The following PREX2 variants were observed in gnomAD, a reference collection of about 807,000 sequenced individuals.
PREX2 encodes phosphatidylinositol 3,4,5-trisphosphate-dependent Rac exchanger 2 protein.
Under a neutral mutation model 203.2 loss-of-function variants are expected in PREX2, and 107 were observed. The observed-to-expected ratio is 0.53, with a 90% confidence interval of 0.45 to 0.62. PREX2 has a LOEUF of 0.62. Among genes scored for constraint, PREX2 ranks in the 20% least tolerant of loss-of-function variants. The pLI, the probability that PREX2 is intolerant of heterozygous loss-of-function variation, is 0.00. For synonymous variants in PREX2, 672 were observed against 663.6 expected (o/e 1.01, Z -0.19); for missense variants, 1,777 against 1,955.9 (o/e 0.91, Z 1.72).
intron 32 of PREX2, among the ~76,000 whole-genome samples, chr8:68,135,586 T>G (rs905040566): frequency 2.0e-5 from 3 of 152,180 alleles, no homozygotes; most frequent in African/African-American, 7.2e-5. Context: ...TAATAAGTTT[T>G]GGGGAGGATG....
intron 38 of PREX2, among the ~76,000 whole-genome samples, chr8:68,219,332 A>G (rs1363784606): frequency 6.6e-6 from 1 of 152,182 alleles, no homozygotes; most frequent in African/African-American, 2.4e-5. Flanking sequence ...GATATTATGC[A>G]GGCCCCGATG....
chr8:68,071,967 A>T (rs1809208645), intron 13 of PREX2, among the ~76,000 whole-genome samples: 1 of 152,084 alleles, frequency 6.6e-6, no homozygotes, highest in Non-Finnish European at 1.5e-5. Context: ...AAGAAATTCT[A>T]TTTTATTATT....
intron 1 of PREX2, among the ~76,000 whole-genome samples, chr8:67,975,659 T>C (rs1322136512): frequency 6.6e-6 from 1 of 150,574 alleles, no homozygotes; most frequent in Non-Finnish European, 1.5e-5. Context: ...GCTAGTATAC[T>C]TAATATTTAT....
rs1813235796 is a variant in PREX2 at position 68,234,899 on chromosome 8, A to G, written c.*3521A>G. 1 of 152,166 alleles carries G rather than the reference A, an allele frequency of 6.6e-6. No individual in the cohort carries two copies. Among genetic ancestry groups the G allele is most frequent in the African/African-American group, 2.4e-5 (1 of 41,454 alleles). 9.4% of individuals were successfully genotyped at this position (152,166 alleles called of 1,614,324 possible). A position where few individuals can be genotyped will look rare whatever the true frequency, so the allele number is the denominator to read the frequency against. On this transcript the variant is annotated 3_prime_UTR_variant, in exon 40 of 40. Transcript: ENST00000288368. ...TTTAAATTTTGGGATCATTACATTC[A>G]GAATGAAATGAAATTGACCTTGATA... is the stretch of plus-strand genomic sequence containing the variant.
intron 30 of PREX2, among the ~76,000 whole-genome samples, chr8:68,125,507 G>A (rs1233327457): frequency 6.6e-6 from 1 of 152,100 alleles, no homozygotes; most frequent in Admixed American, 6.6e-5. Context: ...CCCATTCATA[G>A]CAGATTAAAC....
intron 35 of PREX2, among the ~76,000 whole-genome samples, chr8:68,159,745 T>G (rs896780946): frequency 7.9e-5 from 12 of 152,176 alleles, no homozygotes; most frequent in African/African-American, 2.9e-4. Flanking sequence ...CAGTCAAAGT[T>G]TCAGTAAAAG....
At chr8:67,980,101 GT>G (rs1806222813) in intron 1 of PREX2, among the ~76,000 whole-genome samples, 1 of 152,192 alleles carries the variant, frequency 6.6e-6, no homozygotes, top group Non-Finnish European at 1.5e-5. Context: ...AGGTGAAAAA[GT>G]TTTTCTATGC....
chr8:68,184,128 G>A (rs556308329), intron 35 of PREX2, among the ~76,000 whole-genome samples: 1 of 152,148 alleles, frequency 6.6e-6, no homozygotes, highest in South Asian at 2.1e-4. Flanking sequence ...GAAGGTAGGT[G>A]GGATAGAGGT....
At chr8:68,182,340 C>A (rs1220614546) in intron 35 of PREX2, among the ~76,000 whole-genome samples, 1 of 151,994 alleles carries the variant, frequency 6.6e-6, no homozygotes, top group Non-Finnish European at 1.5e-5. Flanking sequence ...GCAAGGGAGA[C>A]CCTGAGAATA....
chr8:68,137,600 C>G (rs902205120), intron 32 of PREX2, among the ~76,000 whole-genome samples: 2 of 152,048 alleles, frequency 1.3e-5, no homozygotes, highest in Non-Finnish European at 2.9e-5. Context: ...CAAATATTAC[C>G]TTTAGAAGAT....
chr8:68,206,896 T>TA (rs567940004), intron 37 of PREX2, among the ~76,000 whole-genome samples: 259 of 152,224 alleles, frequency 1.7e-3, no homozygotes, highest in Middle Eastern at 3.4e-3. Context: ...CAGTTCTTTT[T>TA]AATAATGAAA....
intron 35 of PREX2, among the ~76,000 whole-genome samples, chr8:68,185,262 C>A (rs1334502910): frequency 1.3e-5 from 2 of 152,050 alleles, no homozygotes; most frequent in African/African-American, 4.8e-5. Context: ...AAGTTAATTA[C>A]AAATCTTTGG....
At chr8:68,198,043 A>C (rs779571751) in intron 37 of PREX2, among the ~76,000 whole-genome samples, 2 of 152,052 alleles carry the variant, frequency 1.3e-5, no homozygotes, top group Admixed American at 1.3e-4. Flanking sequence ...CGCTTAGATA[A>C]AATCACTGTG....
intron 1 of PREX2, among the ~76,000 whole-genome samples, chr8:67,990,665 A>G (rs949695082): frequency 1.3e-5 from 2 of 151,964 alleles, no homozygotes; most frequent in African/African-American, 2.4e-5. Flanking sequence ...GCCCGCCACC[A>G]TGCCAGGTGG....
intron 30 of PREX2, among the ~76,000 whole-genome samples, chr8:68,126,430 T>A (rs374660885): frequency 6.6e-6 from 1 of 152,094 alleles, no homozygotes; most frequent in South Asian, 2.1e-4. Flanking sequence ...TCAAAGTAAT[T>A]TAGCAATTTT....
intron 8 of PREX2, among the ~76,000 whole-genome samples, chr8:68,047,628 G>C (rs953489380): frequency 6.6e-6 from 1 of 150,822 alleles, no homozygotes; most frequent in Non-Finnish European, 1.5e-5. Flanking sequence ...TTGAACCCAT[G>C]ATTCTCTCAA....
intron 4 of PREX2, among the ~76,000 whole-genome samples, chr8:68,024,074 G>A (rs760933523): frequency 3.3e-5 from 5 of 151,956 alleles, no homozygotes; most frequent in East Asian, 3.9e-4. Context: ...TAGTCCTTCC[G>A]CATTAAGTAT....
rs375289741 is a variant in PREX2 at position 68,038,183 on chromosome 8, A to C, written c.730A>C (p.Thr244Pro). The C allele has an allele frequency of 6.2e-7, 1 of 1,613,776 alleles. No individual in the cohort carries two copies. Among genetic ancestry groups the C allele is most frequent in the Admixed American group, 1.7e-5 (1 of 60,016 alleles). ...WEGSNITDTC[T>P]EMLMCGVLLK... ...GGGGTCCAACATCACTGACACCTGC[A>C]CTGAAATGCTAATGTGTGGAGTCTT... The change falls in exon 7 of 40, where the codon ACT (threonine) becomes CCT (proline). Residue 244 changes from threonine to proline, a missense_variant. Physicochemically the swap from Thr to Pro is conservative, Grantham distance 38 (BLOSUM62 -1). Transcript: ENST00000288368.
At chr8:68,126,664 A>G (rs943334699) in intron 30 of PREX2, among the ~76,000 whole-genome samples, 3 of 152,030 alleles carry the variant, frequency 2.0e-5, no homozygotes, top group African/African-American at 7.2e-5. Flanking sequence ...AATCTTGGGC[A>G]TTTAGCAGGA....
Sources: allele counts gnomAD v4.1 joint callset (sites outside exome capture counted in the v4.1 genomes callset), GRCh38; gene constraint gnomAD v4.1.1; transcripts MANE v1.5; gene names NCBI Gene and HGNC (gene_info 2026-07-23, HGNC 2026-07-21).